Variants in OPHN1 observed in about 807,000 individuals in gnomAD.
OPHN1 encodes oligophrenin-1.
A neutral mutation model predicts 60.7 loss-of-function variants in OPHN1; 11 were observed. The observed-to-expected ratio is 0.18, with a 90% CI of 0.11 to 0.30. The LOEUF is 0.30. Among genes scored for constraint, OPHN1 ranks in the 10% least tolerant of loss-of-function variants. OPHN1 has a pLI of 1.00. For missense variants in OPHN1, 449 were observed against 611.0 expected, an observed-to-expected ratio of 0.73 and a Z score of 2.80; for synonymous variants, 226 against 222.6, an observed-to-expected ratio of 1.02 and a Z score of -0.14.
chrX:68,362,975 C>T (rs1415211092), intron 2 of OPHN1, among the ~76,000 whole-genome samples: 3 of 110,930 alleles, frequency 2.7e-5, no homozygotes, highest in African/African-American at 9.8e-5. Flanking sequence ...TGGCTGGGTG[C>T]GGTGGCTCAC....
chrX:68,359,878 A>G (rs2078462760), intron 2 of OPHN1, among the ~76,000 whole-genome samples: 1 of 107,495 alleles, frequency 9.3e-6, no homozygotes, highest in Admixed American at 1.0e-4. Flanking sequence ...AAAAAAAAAA[A>G]AAAAGAATTG....
intron 2 of OPHN1, among the ~76,000 whole-genome samples, chrX:68,425,220 A>AG (rs2078847958): frequency 8.9e-6 from 1 of 111,910 alleles, no homozygotes; most frequent in African/African-American, 3.2e-5. Context: ...GAAGCATTCA[A>AG]TGAGAGGATA....
intron 3 of OPHN1, among the ~76,000 whole-genome samples, chrX:68,287,141 G>T (rs1445841683): frequency 1.2e-5 from 1 of 86,357 alleles, no homozygotes; most frequent in Non-Finnish European, 2.2e-5. Flanking sequence ...AAGGAAGGAA[G>T]GAAGGAAGAA....
In OPHN1 at chrX:68,141,593, C is replaced by G. The variant is rs12690037; in HGVS notation, c.1277-22261G>C. Among the ~76,000 whole-genome samples the G allele has an allele frequency of 5.8e-4, 65 of 111,453 alleles. 1 individual carries two copies. The East Asian group carries it at 0.018, about 31-fold the overall frequency. ...ATCACAAAATATTTAAGTTATAGTT[C>G]AAGTCTTTTTGAATCAGCTATTACC... On this transcript the variant is annotated intron_variant, in intron 15 of 24. Transcript: ENST00000355520.
chrX:68,403,216 T>C (rs1664290314), intron 2 of OPHN1, among the ~76,000 whole-genome samples: 2 of 112,394 alleles, frequency 1.8e-5, no homozygotes, highest in South Asian at 7.4e-4. Context: ...AGCAAGACAC[T>C]TGATTCAGGA....
intron 2 of OPHN1, among the ~76,000 whole-genome samples, chrX:68,365,815 T>TC (rs1310465613): frequency 7.3e-4 from 71 of 97,901 alleles, no homozygotes; most frequent in African/African-American, 2.9e-3. Context: ...TAGCAATTAT[T>TC]CCCTTTTTTT....
In OPHN1 at chrX:68,145,504, G is replaced by C. The variant is rs752913368; in HGVS notation, c.1277-26172C>G. On this transcript the variant is annotated intron_variant, in intron 15 of 24. Transcript: ENST00000355520. ...CCTTGCATACTAATGTTTTTTATTCGTAAAGTATTTCAAATATAAAGACAA... is the reference window on the plus strand; with the variant it reads ...CCTTGCATACTAATGTTTTTTATTCCTAAAGTATTTCAAATATAAAGACAA... Among the ~76,000 whole-genome samples the C allele has an allele frequency of 2.7e-5, 3 of 111,554 alleles. No individual in the cohort carries two copies. In the South Asian group the frequency reaches 1.1e-3, roughly 42 times the overall value.
chrX:68,290,543 G>A (rs1225073935), intron 3 of OPHN1, among the ~76,000 whole-genome samples: 2 of 109,041 alleles, frequency 1.8e-5, no homozygotes, highest in Non-Finnish European at 1.9e-5. Context: ...AGGTTGCAGT[G>A]AACTGAGATC....
At chrX:68,074,177 A>T (rs1393713549) in intron 19 of OPHN1, among the ~76,000 whole-genome samples, 2 of 111,926 alleles carry the variant, frequency 1.8e-5, no homozygotes, top group Non-Finnish European at 3.8e-5. Flanking sequence ...TGATTAGTGT[A>T]AAGAGAAATG....
At chrX:68,141,916 GAAAGAAAGAAAGAAA>G (rs1569224310) in intron 15 of OPHN1, among the ~76,000 whole-genome samples, 5 of 26,464 alleles carry the variant, frequency 1.9e-4, no homozygotes, top group Non-Finnish European at 5.8e-4. Context: ...AAGAAAGAAA[GAAAGAAAGAAAGAAA>G]GAAAGAAAGA....
At position 68,064,050 on chromosome X, in the gene OPHN1, G is replaced by T. The variant is rs2076903989; in HGVS notation, c.1962C>A (p.Ser654Arg). Residue 654 changes from serine (S) to arginine (R), a missense_variant, in exon 21 of 25, where the codon AGC (serine) becomes AGA (arginine). By Grantham distance (110) the Ser-to-Arg change is moderately radical (BLOSUM62 -1). Transcript: ENST00000355520. ...CCAACTTGCCATCCAAAATAGGCCTGCTTGGGGACTTCCTCCCAGGATCAG... is the reference window on the plus strand; with the variant it reads ...CCAACTTGCCATCCAAAATAGGCCTTCTTGGGGACTTCCTCCCAGGATCAG... ...GETDPGRKSP[S>R]RPILDGKLEP... 2 of 1,207,915 alleles carry T rather than the reference G, an allele frequency of 1.7e-6. No individual in the cohort carries two copies. The highest frequency in any genetic ancestry group is 3.5e-5 in the African/African-American group (2 of 56,585).
chrX:68,154,258 G>T (rs1474840514), intron 15 of OPHN1, among the ~76,000 whole-genome samples: 4 of 112,151 alleles, frequency 3.6e-5, no homozygotes, highest in African/African-American at 9.7e-5. Context: ...TCAGACAGGA[G>T]AGCCAACTAG....
Position 68,045,562 on chromosome X carries a change from T to A in OPHN1, c.*1610A>T, listed in dbSNP as rs2076829689. 1 of 111,815 alleles carries A rather than the reference T, an allele frequency of 8.9e-6. No homozygotes were observed. The highest frequency in any genetic ancestry group is 9.5e-5 in the Admixed American group (1 of 10,530). 9.2% of individuals were successfully genotyped at this position (111,815 alleles called of 1,213,427 possible). On this transcript the variant is annotated 3_prime_UTR_variant, in exon 25 of 25. Transcript: ENST00000355520. The stretch of plus-strand genomic sequence containing the variant: ...CTTTCCCTCACACTGGGCAACATTA[T>A]AATTATACAGACGCTACAGACAAGC...
chrX:68,287,215 G>A (rs1194440731), intron 3 of OPHN1, among the ~76,000 whole-genome samples: 5 of 83,975 alleles, frequency 6.0e-5, no homozygotes. Context: ...GAAGGGGAAG[G>A]GAAGAAAGGA....
intron 3 of OPHN1, 124 bp from the exon 4 acceptor site, chrX:68,283,241 T>C: frequency 1.9e-6 from 1 of 527,221 alleles, no homozygotes; most frequent in East Asian, 3.7e-5. Context: ...TAGAGGAAGG[T>C]GTCAAATCGG....
chrX:68,155,827 T>A (rs2077307007), intron 15 of OPHN1, among the ~76,000 whole-genome samples: 1 of 112,057 alleles, frequency 8.9e-6, no homozygotes, highest in Non-Finnish European at 1.9e-5. Flanking sequence ...TTCTTGTTTC[T>A]CTACAATAGG....
At chrX:68,352,635 A>T (rs1212228844) in intron 2 of OPHN1, among the ~76,000 whole-genome samples, 1 of 112,261 alleles carries the variant, frequency 8.9e-6, no homozygotes, top group African/African-American at 3.2e-5. Context: ...ATGGAAAGCA[A>T]CTTAGGTTTC....
intron 18 of OPHN1, among the ~76,000 whole-genome samples, chrX:68,104,407 T>A: frequency 9.0e-6 from 1 of 111,511 alleles, no homozygotes; most frequent in East Asian, 2.8e-4. Context: ...CTACCTGACA[T>A]CAAACTATAC....
intron 20 of OPHN1, among the ~76,000 whole-genome samples, chrX:68,067,480 G>C (rs1170868516): frequency 9.1e-6 from 1 of 109,598 alleles, no homozygotes; most frequent in Non-Finnish European, 1.9e-5. Flanking sequence ...AATGATTTTG[G>C]GGGGCAGAGG....
Sources: gnomAD v4.1 joint callset for allele counts (sites outside exome capture counted in the v4.1 genomes callset) on GRCh38, gnomAD v4.1.1 for gene constraint, MANE v1.5 for transcripts, NCBI Gene and HGNC (gene_info 2026-07-23, HGNC 2026-07-21) for gene names.